The following EVA1C variants were observed in gnomAD, a reference collection of about 807,000 sequenced individuals.
EVA1C encodes the protein eva-1 homolog C, also known as protein eva-1 homolog C.
In EVA1C, 25 loss-of-function variants were observed where a neutral mutation model predicts 45.4. The ratio of observed to expected loss-of-function variants is 0.55; its 90% CI spans 0.40 to 0.77. The LOEUF is 0.77. Among genes scored for constraint, EVA1C ranks in the 30% least tolerant of loss-of-function variants. The pLI is 0.00. For missense variants in EVA1C, 479 were observed against 554.8 expected (o/e 0.86, Z 1.37); for synonymous variants, 190 against 221.2 (o/e 0.86, Z 1.25).
At chr21:32,485,624 C>T (rs922405450) in intron 4 of EVA1C, among the ~76,000 whole-genome samples, 2 of 152,160 alleles carry the variant, frequency 1.3e-5, no homozygotes, top group Admixed American at 1.3e-4. Flanking sequence ...TCTTGTTCAC[C>T]ATGGCCCAGA....
chr21:32,491,839 G>A (rs1165077241), intron 4 of EVA1C, among the ~76,000 whole-genome samples: 1 of 152,090 alleles, frequency 6.6e-6, no homozygotes, highest in Non-Finnish European at 1.5e-5. Context: ...GAGATGATAG[G>A]TGCAGACGTG....
intron 7 of EVA1C, among the ~76,000 whole-genome samples, chr21:32,507,478 G>C (rs1299865108): frequency 6.6e-6 from 1 of 151,490 alleles, no homozygotes; most frequent in African/African-American, 2.4e-5. Flanking sequence ...GTGTGCATGT[G>C]TGTATGCGTC....
intron 1 of EVA1C, among the ~76,000 whole-genome samples, chr21:32,439,852 GA>G (rs369308705): frequency 0.021 from 3,175 of 149,518 alleles, 101 homozygotes; most frequent in African/African-American, 0.061. Flanking sequence ...TCCCTAAAGT[GA>G]AAAAAAAAGG....
At position 32,453,494 on chromosome 21, in the gene EVA1C, G is replaced by C; in HGVS notation, c.343G>C (p.Ala115Pro). Residue 115 changes from alanine (A) to proline (P), a missense_variant, in exon 2 of 8, where the codon GCC becomes CCC. Ala to Pro is a conservative substitution (Grantham distance 27). Transcript: ENST00000300255. Reference sequence around the variant, plus strand: ...GGAAGACAGCTTAACCTGTGTGGCAGCCACCACCTTCCAGGTATTGCCTTT... The same window carrying C: ...GGAAGACAGCTTAACCTGTGTGGCACCCACCACCTTCCAGGTATTGCCTTT... ...QREDSLTCVA[A>P]TTFQKVLDEC... is the part of the protein sequence containing the mutation. The C allele has an allele frequency of 6.2e-7, 1 of 1,604,892 alleles. No homozygotes were observed. Among genetic ancestry groups the C allele is most frequent in the Non-Finnish European group, 8.5e-7 (1 of 1,173,882 alleles).
intron 5 of EVA1C, among the ~76,000 whole-genome samples, chr21:32,498,386 G>A (rs1251513082): frequency 6.6e-6 from 1 of 151,442 alleles, no homozygotes; most frequent in African/African-American, 2.4e-5. Flanking sequence ...GGCGGAGTTG[G>A]CAGTGAGCTG....
chr21:32,492,239 T>C (rs2037183704), intron 4 of EVA1C, among the ~76,000 whole-genome samples: 1 of 151,954 alleles, frequency 6.6e-6, no homozygotes, highest in African/African-American at 2.4e-5. Context: ...CACCGGAAGT[T>C]CCAGAGATAG....
At chr21:32,486,455 C>T (rs185446261) in intron 4 of EVA1C, among the ~76,000 whole-genome samples, 28 of 152,280 alleles carry the variant, frequency 1.8e-4, no homozygotes, top group Non-Finnish European at 4.4e-5. Context: ...ACTTCTCCCT[C>T]TCTCTGTGTT....
chr21:32,432,921 G>A (rs780612336), intron 1 of EVA1C, among the ~76,000 whole-genome samples: 40 of 152,018 alleles, frequency 2.6e-4, no homozygotes, highest in Admixed American at 2.0e-3. Context: ...CTGTAGAGAC[G>A]AGGTCTCACT....
chr21:32,423,856 G>A (rs1404593812), intron 1 of EVA1C, among the ~76,000 whole-genome samples: 1 of 152,182 alleles, frequency 6.6e-6, no homozygotes, highest in Non-Finnish European at 1.5e-5. Flanking sequence ...AGTCTGAAAT[G>A]TATGTTTGTG....
chr21:32,496,116 C>A (rs2037345126), intron 5 of EVA1C, among the ~76,000 whole-genome samples: 2 of 152,156 alleles, frequency 1.3e-5, no homozygotes, highest in African/African-American at 4.8e-5. Context: ...CCAAAAGAAA[C>A]CCTGTATCCC....
intron 4 of EVA1C, among the ~76,000 whole-genome samples, chr21:32,477,947 A>G (rs1189366815): frequency 8.7e-6 from 1 of 114,514 alleles, no homozygotes; most frequent in Non-Finnish European, 1.8e-5. Context: ...GCTCTCACTC[A>G]CCCTCACCTC....
chr21:32,412,172 C>T (rs977879191), upstream of EVA1C: 4 of 152,254 alleles, frequency 2.6e-5, no homozygotes, highest in African/African-American at 9.6e-5. Flanking sequence ...TCAGTCTCCT[C>T]TTCTGTGGAA....
intron 4 of EVA1C, among the ~76,000 whole-genome samples, chr21:32,478,700 G>A (rs1251783577): frequency 3.6e-5 from 2 of 56,314 alleles, no homozygotes; most frequent in Non-Finnish European, 6.6e-5. Flanking sequence ...TGAGACAGGA[G>A]TGAGCTTTTC....
intron 4 of EVA1C, among the ~76,000 whole-genome samples, chr21:32,473,119 G>C (rs1307275294): frequency 6.6e-6 from 1 of 152,252 alleles, no homozygotes. Flanking sequence ...GCTAAGGGCA[G>C]AACCACGCAT....
intron 7 of EVA1C, among the ~76,000 whole-genome samples, chr21:32,506,737 C>G (rs1247955361): frequency 1.3e-5 from 2 of 152,142 alleles, no homozygotes; most frequent in African/African-American, 4.8e-5. Flanking sequence ...GGACATCAGG[C>G]TGGGTCATTT....
chr21:32,509,701 T>C (rs530393667), intron 7 of EVA1C, among the ~76,000 whole-genome samples: 11 of 151,876 alleles, frequency 7.2e-5, no homozygotes, highest in Non-Finnish European at 4.4e-5. Context: ...TGAGTGACGA[T>C]TGTAAGTTGG....
intron 4 of EVA1C, among the ~76,000 whole-genome samples, chr21:32,471,918 G>A (rs1417133265): frequency 3.3e-5 from 5 of 152,064 alleles, no homozygotes; most frequent in South Asian, 2.1e-4. Context: ...GTGAGCAACC[G>A]CACTCGGCCT....
chr21:32,473,895 C>G, intron 4 of EVA1C: 2 of 985,336 alleles, frequency 2.0e-6, no homozygotes, highest in Non-Finnish European at 2.4e-6. Flanking sequence ...CCTCAGGACC[C>G]TTTGATTTTT....
intron 4 of EVA1C, 181 bp downstream of exon 4, chr21:32,468,029 T>G: frequency 3.2e-6 from 1 of 312,680 alleles, no homozygotes; most frequent in Non-Finnish European, 5.5e-6. Context: ...TGTATGTATA[T>G]ATATATAAAT....
Sources: gnomAD v4.1 joint callset for allele counts (sites outside exome capture counted in the v4.1 genomes callset) on GRCh38, gnomAD v4.1.1 for gene constraint, MANE v1.5 for transcripts, NCBI Gene and HGNC (gene_info 2026-07-23, HGNC 2026-07-21) for gene names.